The following OR51B5 variants were observed in gnomAD, a reference collection of about 807,000 sequenced individuals.
The protein encoded by OR51B5 is olfactory receptor family 51 subfamily B member 5.
For missense variants in OR51B5, 456 were observed against 374.6 expected (o/e 1.22, Z -1.79); for synonymous variants, 186 against 144.8 (o/e 1.28, Z -2.04).
At chr11:5,443,800 G>A (rs1043903003) in intron 1 of OR51B5, among the ~76,000 whole-genome samples, 3 of 151,958 alleles carry the variant, frequency 2.0e-5, no homozygotes, top group African/African-American at 4.8e-5. Flanking sequence ...TCCTAAATGT[G>A]ACCTATCTTG....
At chr11:5,502,191 T>A (rs955390118) in intron 1 of OR51B5, among the ~76,000 whole-genome samples, 1 of 150,376 alleles carries the variant, frequency 6.6e-6, no homozygotes, top group Non-Finnish European at 1.5e-5. Flanking sequence ...TCTCCGCTTG[T>A]CACTCTCTCA....
At position 5,485,666 on chromosome 11, in the gene OR51B5, C is replaced by G. The variant is rs146282735; in HGVS notation, n.84+19903G>C. On this transcript the variant is annotated intron_variant and non_coding_transcript_variant, in intron 1 of 4. Coordinates refer to the OR51B5 transcript ENST00000415970. ...CTGCTTCCAAACCCATCAGGCAGGC[C>G]TATGTCTCAAAGCCTTTGCACTTGC... 6.6e-3 allele frequency among the ~76,000 whole-genome samples: 1,004 copies of G among 152,276 alleles called. 11 individuals are homozygous for G. Among genetic ancestry groups the G allele is most frequent in the African/African-American group, 0.022 (925 of 41,544 alleles).
At chr11:5,389,315 C>G (rs1849751721) in intron 1 of OR51B5, 15 of 1,307,432 alleles carry the variant, frequency 1.1e-5, no homozygotes, top group Non-Finnish European at 1.6e-5. Context: ...GACCATGGTA[C>G]TGCTTGTGAT....
intron 1 of OR51B5, among the ~76,000 whole-genome samples, chr11:5,407,713 A>G (rs1850079814): frequency 6.6e-6 from 1 of 150,474 alleles, no homozygotes; most frequent in Non-Finnish European, 1.5e-5. Context: ...TTTATTCTGG[A>G]GTTATAAACT....
At chr11:5,391,915 T>G (rs2133731456) in intron 1 of OR51B5, 1 of 151,988 alleles carries the variant, frequency 6.6e-6, no homozygotes, top group South Asian at 2.1e-4. Context: ...CAAAAAAAAT[T>G]AAAATTAGCC....
chr11:5,343,529 G>C, upstream of OR51B5: 1 of 819,288 alleles, frequency 1.2e-6, no homozygotes, highest in Non-Finnish European at 2.0e-6. Flanking sequence ...CGACATCCTG[G>C]GTTTATATAG....
chr11:5,490,135 G>T (rs1019930587), intron 1 of OR51B5, among the ~76,000 whole-genome samples: 1 of 152,178 alleles, frequency 6.6e-6, no homozygotes. Context: ...GTGACCTTGA[G>T]CATGTTTGAA....
chr11:5,414,740 AT>A (rs1850210737), intron 1 of OR51B5, among the ~76,000 whole-genome samples: 1 of 152,250 alleles, frequency 6.6e-6, no homozygotes, highest in Non-Finnish European at 1.5e-5. Context: ...CTAAATATAT[AT>A]GCACCCAATA....
chr11:5,411,642 G>C (rs1019296761), intron 1 of OR51B5, among the ~76,000 whole-genome samples: 2 of 152,164 alleles, frequency 1.3e-5, no homozygotes, highest in African/African-American at 4.8e-5. Flanking sequence ...GAATATGTTG[G>C]TTTACATGGA....
chr11:5,398,895 C>A (rs1265215597), intron 1 of OR51B5, among the ~76,000 whole-genome samples: 1 of 152,190 alleles, frequency 6.6e-6, no homozygotes, highest in African/African-American at 2.4e-5. Context: ...TAATAAATTA[C>A]CCAGTCTCAG....
downstream of OR51B5, chr11:5,340,636 C>CA (rs991145948): frequency 8.5e-5 from 13 of 152,158 alleles, no homozygotes; most frequent in Admixed American, 1.3e-4. Context: ...GTAGGTACTA[C>CA]AAGCATGACG....
chr11:5,353,560 T>A (rs1010834137), intron 1 of OR51B5, among the ~76,000 whole-genome samples: 1 of 152,244 alleles, frequency 6.6e-6, no homozygotes, highest in Admixed American at 6.5e-5. Context: ...TACTTTTGAT[T>A]CTTTTCAGAG....
intron 1 of OR51B5, among the ~76,000 whole-genome samples, chr11:5,446,139 GAT>G (rs1237412993): frequency 6.6e-6 from 1 of 151,998 alleles, no homozygotes; most frequent in Non-Finnish European, 1.5e-5. Flanking sequence ...AGCATTAGGA[GAT>G]ACACCTAATG....
intron 1 of OR51B5, among the ~76,000 whole-genome samples, chr11:5,466,448 A>G (rs2133797702): frequency 6.6e-6 from 1 of 152,344 alleles, no homozygotes; most frequent in African/African-American, 2.4e-5. Context: ...AAAGCCTAAA[A>G]AATATTGAAG....
chr11:5,423,507 T>C (rs1193567560), intron 1 of OR51B5, among the ~76,000 whole-genome samples: 2 of 152,210 alleles, frequency 1.3e-5, no homozygotes, highest in East Asian at 1.9e-4. Flanking sequence ...GGAAATCCTG[T>C]TGTTGCCCCT....
At chr11:5,407,405 T>C (rs770401478) in intron 1 of OR51B5, among the ~76,000 whole-genome samples, 1 of 152,194 alleles carries the variant, frequency 6.6e-6, no homozygotes, top group Non-Finnish European at 1.5e-5. Flanking sequence ...ACTTTCTGAC[T>C]TCGCAGAATT....
intron 1 of OR51B5, among the ~76,000 whole-genome samples, chr11:5,479,109 G>A (rs1851367388): frequency 6.7e-6 from 1 of 150,072 alleles, no homozygotes. Context: ...GGCAGCCAGA[G>A]AGAAAGGTCG....
chr11:5,414,266 A>G (rs1041708962), intron 1 of OR51B5, among the ~76,000 whole-genome samples: 7 of 151,678 alleles, frequency 4.6e-5, no homozygotes, highest in African/African-American at 1.7e-4. Context: ...CTGCCCTAGA[A>G]GAGCTCCTGA....
chr11:5,386,856 T>C (rs1849702735), intron 1 of OR51B5, among the ~76,000 whole-genome samples: 1 of 151,960 alleles, frequency 6.6e-6, no homozygotes, highest in African/African-American at 2.4e-5. Flanking sequence ...AAAAATGTTG[T>C]CTTGAATGGC....
Sources: gnomAD v4.1 joint callset for allele counts (sites outside exome capture counted in the v4.1 genomes callset) on GRCh38, gnomAD v4.1.1 for gene constraint, MANE v1.5 for transcripts, NCBI Gene and HGNC (gene_info 2026-07-23, HGNC 2026-07-21) for gene names.